The following GPC5 variants were observed in gnomAD, a reference collection of about 807,000 sequenced individuals.
The protein encoded by GPC5 is glypican 5.
GPC5 carries 47 observed loss-of-function variants against 53.9 expected under a neutral mutation model. That is an observed-to-expected ratio of 0.87 (90% CI 0.69 to 1.11). The LOEUF (loss-of-function observed/expected upper bound fraction) is 1.11, where lower values mean the gene tolerates loss of function less well. Among genes scored for constraint, GPC5 ranks in the 50% most tolerant of loss-of-function variants. GPC5 has a pLI of 0.00. For synonymous variants in GPC5, 286 were observed against 263.3 expected (o/e 1.09, Z -0.84); for missense variants, 748 against 713.1 (o/e 1.05, Z -0.56).
At position 91,529,423 on chromosome 13, in the gene GPC5, A is replaced by G. The variant is rs148177359; in HGVS notation, c.325+80501A>G. Among the ~76,000 whole-genome samples the G allele has an allele frequency of 2.1e-3, 313 of 152,332 alleles. 4 individuals carry two copies. The East Asian group carries it at 0.049, about 24-fold the overall frequency. ...AGATACAAGCTTTGGAATGATACCTAGATTTCAGTTTCAGCTGTCTTAGTT... is the reference window on the plus strand; with the variant it reads ...AGATACAAGCTTTGGAATGATACCTGGATTTCAGTTTCAGCTGTCTTAGTT... On this transcript the variant is annotated intron_variant, in intron 2 of 7. Transcript: ENST00000377067.
intron 7 of GPC5, among the ~76,000 whole-genome samples, chr13:92,752,860 T>C (rs898995595): frequency 5.3e-5 from 8 of 152,050 alleles, no homozygotes; most frequent in African/African-American, 9.7e-5. Context: ...GTCTCGCTGA[T>C]TGCTAGCACA....
chr13:92,726,577 G>C (rs1888655576), intron 7 of GPC5, among the ~76,000 whole-genome samples: 1 of 151,382 alleles, frequency 6.6e-6, no homozygotes, highest in Non-Finnish European at 1.5e-5. Flanking sequence ...CTTAATAAAG[G>C]AATAAAACTT....
intron 7 of GPC5, among the ~76,000 whole-genome samples, chr13:92,825,493 A>G (rs988397850): frequency 6.6e-6 from 1 of 152,104 alleles, no homozygotes; most frequent in African/African-American, 2.4e-5. Flanking sequence ...GCATTTTCCA[A>G]GTGTATTAAA....
At chr13:92,630,639 T>C (rs191064780) in intron 7 of GPC5, among the ~76,000 whole-genome samples, 3 of 152,296 alleles carry the variant, frequency 2.0e-5, no homozygotes, top group Non-Finnish European at 2.9e-5. Flanking sequence ...CGTGTATACC[T>C]ATGTAACAAA....
chr13:91,770,017 C>A (rs2037593062), intron 5 of GPC5, among the ~76,000 whole-genome samples: 1 of 152,198 alleles, frequency 6.6e-6, no homozygotes, highest in Admixed American at 6.5e-5. Flanking sequence ...AGATTATGCA[C>A]AACTTCCATA....
intron 2 of GPC5, among the ~76,000 whole-genome samples, chr13:91,523,275 A>G (rs182745662): frequency 2.6e-5 from 4 of 152,332 alleles, no homozygotes; most frequent in Admixed American, 2.0e-4. Flanking sequence ...CAGTATGTTG[A>G]AGAGATATTT....
At chr13:91,491,976 A>G (rs1883965058) in intron 2 of GPC5, among the ~76,000 whole-genome samples, 1 of 152,190 alleles carries the variant, frequency 6.6e-6, no homozygotes, top group African/African-American at 2.4e-5. Flanking sequence ...TAGCTCATTC[A>G]TGCTTTCACT....
At chr13:92,656,356 G>C (rs1237428503) in intron 7 of GPC5, among the ~76,000 whole-genome samples, 2 of 152,188 alleles carry the variant, frequency 1.3e-5, no homozygotes, top group Admixed American at 6.5e-5. Context: ...TGGTTAATCA[G>C]CAAAGTTTAG....
intron 4 of GPC5, among the ~76,000 whole-genome samples, chr13:91,741,071 G>A (rs886493566): frequency 4.6e-5 from 7 of 152,122 alleles, no homozygotes; most frequent in Non-Finnish European, 8.8e-5. Flanking sequence ...GCATGCATGA[G>A]TGTGTATTTG....
At chr13:92,373,876 A>G (rs1342953123) in intron 7 of GPC5, among the ~76,000 whole-genome samples, 1 of 152,212 alleles carries the variant, frequency 6.6e-6, no homozygotes, top group Non-Finnish European at 1.5e-5. Flanking sequence ...AGTGTAGGAA[A>G]GAGAATGGTT....
At chr13:92,212,291 G>A (rs754295537) in intron 7 of GPC5, among the ~76,000 whole-genome samples, 3 of 152,020 alleles carry the variant, frequency 2.0e-5, no homozygotes, top group Non-Finnish European at 4.4e-5. Flanking sequence ...AGGATTACAG[G>A]GGTAATAAAT....
At chr13:92,534,032 AT>A (rs1881643976) in intron 7 of GPC5, among the ~76,000 whole-genome samples, 1 of 152,176 alleles carries the variant, frequency 6.6e-6, no homozygotes, top group Non-Finnish European at 1.5e-5. Context: ...CATGCCTATC[AT>A]CCCAGCACTT....
At chr13:91,668,841 G>A (rs189618914) in intron 2 of GPC5, among the ~76,000 whole-genome samples, 51 of 152,210 alleles carry the variant, frequency 3.4e-4, no homozygotes, top group Non-Finnish European at 2.8e-4. Context: ...CTTAATCATT[G>A]TTCTATATCT....
At chr13:91,983,891 TC>T (rs1241610059) in intron 6 of GPC5, among the ~76,000 whole-genome samples, 1 of 152,184 alleles carries the variant, frequency 6.6e-6, no homozygotes, top group East Asian at 1.9e-4. Flanking sequence ...CTTTCATCCT[TC>T]CTTGAGAATA....
intron 7 of GPC5, among the ~76,000 whole-genome samples, chr13:92,814,810 C>G (rs955429208): frequency 6.6e-6 from 1 of 151,874 alleles, no homozygotes; most frequent in South Asian, 2.1e-4. Context: ...AATACATTAT[C>G]AAATTTTACA....
chr13:92,706,566 G>T (rs1457709465), intron 7 of GPC5, among the ~76,000 whole-genome samples: 1 of 151,992 alleles, frequency 6.6e-6, no homozygotes, highest in Non-Finnish European at 1.5e-5. Context: ...TCGTCTTACT[G>T]CCCTTAGCCA....
At chr13:91,489,568 T>A (rs1198477346) in intron 2 of GPC5, among the ~76,000 whole-genome samples, 1 of 152,226 alleles carries the variant, frequency 6.6e-6, no homozygotes, top group African/African-American at 2.4e-5. Context: ...TATTTCAGTT[T>A]GAATAGTGAA....
chr13:92,635,241 A>T (rs1347687412), intron 7 of GPC5, among the ~76,000 whole-genome samples: 1 of 152,148 alleles, frequency 6.6e-6, no homozygotes, highest in Non-Finnish European at 1.5e-5. Context: ...TCGTAAACAG[A>T]GTATATAAGT....
chr13:91,549,787 C>T (rs777907276), intron 2 of GPC5, among the ~76,000 whole-genome samples: 11 of 152,164 alleles, frequency 7.2e-5, no homozygotes, highest in Admixed American at 3.9e-4. Flanking sequence ...TGTGGACCAA[C>T]AGCTCTCATT....
Sources: allele counts gnomAD v4.1 joint callset (sites outside exome capture counted in the v4.1 genomes callset), GRCh38; gene constraint gnomAD v4.1.1; transcripts MANE v1.5; gene names NCBI Gene and HGNC (gene_info 2026-07-23, HGNC 2026-07-21).